RILPL2: variants seen among roughly 807,000 people sequenced by gnomAD.
The protein encoded by RILPL2 is RILP-like protein 2.
A neutral mutation model predicts 22.2 loss-of-function variants in RILPL2; 19 were observed. That is an observed-to-expected ratio of 0.86 (90% CI 0.60 to 1.25). The LOEUF (loss-of-function observed/expected upper bound fraction) is 1.25, where lower values mean the gene tolerates loss of function less well. RILPL2 is among the 50% of genes most tolerant of loss of function. RILPL2 has a pLI of 0.00. For synonymous variants in RILPL2, 123 were observed against 111.6 expected, an observed-to-expected ratio of 1.10 and a Z score of -0.64; for missense variants, 243 against 263.6, an observed-to-expected ratio of 0.92 and a Z score of 0.54.
chr12:123,435,556 G>C (rs1472355829), intron 1 of RILPL2, among the ~76,000 whole-genome samples: 1 of 149,812 alleles, frequency 6.7e-6, no homozygotes, highest in Non-Finnish European at 1.5e-5. Flanking sequence ...CTGGGTAACG[G>C]TGAGACCCCC....
At chr12:123,421,610 C>T (rs990098223) in intron 3 of RILPL2, among the ~76,000 whole-genome samples, 2 of 151,924 alleles carry the variant, frequency 1.3e-5, no homozygotes, top group African/African-American at 4.8e-5. Flanking sequence ...TTGCCCTCTG[C>T]CCCTGCTCCC....
rs1216106797 is a variant in RILPL2 at position 123,434,304 on chromosome 12, G to A, written c.339+1778C>T. Among the ~76,000 whole-genome samples, 35 of 152,032 alleles carry A rather than the reference G, an allele frequency of 2.3e-4. 1 individual carries two copies. Among genetic ancestry groups the A allele is most frequent in the Admixed American group, 2.3e-3 (35 of 15,206 alleles). ...TGGTTGGTGTGTGCCTGTAGTCCTA[G>A]CTACTGGAGAGGCTGAAGTGGGAGG... On this transcript the variant is annotated intron_variant, in intron 1 of 3. Coordinates refer to ENST00000280571, the MANE Select transcript of RILPL2 (RefSeq NM_145058.3).
At chr12:123,423,217 T>C in intron 2 of RILPL2, 60 bp from the exon 3 acceptor site, 1 of 1,216,338 alleles carries the variant, frequency 8.2e-7, no homozygotes. Context: ...TTTTTTTTTT[T>C]TTGAGTTGGA....
intron 3 of RILPL2, among the ~76,000 whole-genome samples, chr12:123,421,367 T>C (rs1002591383): frequency 6.6e-6 from 1 of 152,056 alleles, no homozygotes; most frequent in Non-Finnish European, 1.5e-5. Context: ...GTATGGGGAA[T>C]TATCTTTCCC....
intron 2 of RILPL2, among the ~76,000 whole-genome samples, chr12:123,428,175 C>T (rs897009318): frequency 2.1e-4 from 32 of 152,242 alleles, no homozygotes; most frequent in African/African-American, 7.0e-4. Flanking sequence ...CTCGCTCTTC[C>T]GCCCAGGCTG....
Position 123,415,573 on chromosome 12 carries a change from G to A in RILPL2, c.*318C>T. On this transcript the variant is annotated 3_prime_UTR_variant, in exon 4 of 4. Transcript: ENST00000280571. ...GGTCATCCGTGGGAGCAGATGAGTA[G>A]GACACGCGTCTGCACGCTGGAGGCC... is the stretch of plus-strand genomic sequence containing the variant. The A allele has an allele frequency of 2.4e-6, 1 of 421,130 alleles. No individual in the cohort carries two copies. The highest frequency in any genetic ancestry group is 4.3e-6 in the Non-Finnish European group (1 of 230,702). The allele number at this position is 421,130 out of a possible 1,614,324, so 26.1% of individuals were successfully genotyped here.
At chr12:123,428,183 C>CT (rs1403376670) in intron 2 of RILPL2, among the ~76,000 whole-genome samples, 3 of 152,182 alleles carry the variant, frequency 2.0e-5, no homozygotes, top group Non-Finnish European at 4.4e-5. Context: ...TCCGCCCAGG[C>CT]TGGAGTGCAG....
At chr12:123,418,552 C>T (rs1879181840) in intron 3 of RILPL2, among the ~76,000 whole-genome samples, 1 of 152,128 alleles carries the variant, frequency 6.6e-6, no homozygotes, top group African/African-American at 2.4e-5. Context: ...GTATCTTCAG[C>T]ACCTACAACA....
chr12:123,416,055 A>C, intron 3 of RILPL2, 134 bp from the exon 4 acceptor site: 1 of 883,272 alleles, frequency 1.1e-6, no homozygotes, highest in Non-Finnish European at 1.9e-6. Flanking sequence ...ATTGTGGCTC[A>C]CGCCTGTAAT....
intron 1 of RILPL2, among the ~76,000 whole-genome samples, chr12:123,432,512 T>C (rs967478185): frequency 1.3e-5 from 2 of 151,996 alleles, no homozygotes; most frequent in African/African-American, 4.8e-5. Context: ...TCTCAAAACA[T>C]ACAAAGAAAA....
chr12:123,419,694 C>G (rs1879221214), intron 3 of RILPL2, among the ~76,000 whole-genome samples: 2 of 151,248 alleles, frequency 1.3e-5, no homozygotes, highest in African/African-American at 4.9e-5. Flanking sequence ...CAATATCCTC[C>G]TCCCAGGTTC....
chr12:123,432,859 A>G (rs865991006), intron 1 of RILPL2, among the ~76,000 whole-genome samples: 1 of 152,196 alleles, frequency 6.6e-6, no homozygotes, highest in South Asian at 2.1e-4. Context: ...ATCACACTTA[A>G]CCATGTCACT....
chr12:123,423,832 T>TCACTG (rs1879360050), intron 2 of RILPL2, among the ~76,000 whole-genome samples: 1 of 151,876 alleles, frequency 6.6e-6, no homozygotes, highest in Admixed American at 6.6e-5. Flanking sequence ...TTTTTGTATT[T>TCACTG]TTAGTAGAGA....
chr12:123,412,714 G>T (rs908970583), downstream of RILPL2: 11 of 152,212 alleles, frequency 7.2e-5, no homozygotes, highest in African/African-American at 2.4e-4. Flanking sequence ...AAAAGTATGT[G>T]AGACAGCATC....
intron 3 of RILPL2, among the ~76,000 whole-genome samples, chr12:123,422,424 G>C (rs1879312306): frequency 6.6e-6 from 1 of 152,174 alleles, no homozygotes; most frequent in Non-Finnish European, 1.5e-5. Context: ...GCTGAGGCAG[G>C]AGAACTGCTT....
intron 2 of RILPL2, among the ~76,000 whole-genome samples, chr12:123,425,182 T>C (rs1879408404): frequency 6.6e-6 from 1 of 151,914 alleles, no homozygotes; most frequent in South Asian, 2.1e-4. Flanking sequence ...GCCTTATTAT[T>C]ATTTTTTTTT....
At chr12:123,424,990 C>T (rs528938953) in intron 2 of RILPL2, among the ~76,000 whole-genome samples, 35 of 152,098 alleles carry the variant, frequency 2.3e-4, no homozygotes, top group African/African-American at 8.2e-4. Context: ...CGCCATTCTC[C>T]TGCCTCAGCC....
At chr12:123,435,116 G>T (rs963588072) in intron 1 of RILPL2, among the ~76,000 whole-genome samples, 3 of 151,838 alleles carry the variant, frequency 2.0e-5, no homozygotes, top group African/African-American at 7.3e-5. Flanking sequence ...GGAGGTGGAG[G>T]TTGCAGTGAG....
rs757652253 is a variant in RILPL2 at position 123,436,322 on chromosome 12, G to C, written c.99C>G (p.Pro33=). 1.3e-6 allele frequency: 2 copies of C among 1,579,924 alleles called. No homozygotes were observed. The highest frequency in any genetic ancestry group is 1.7e-6 in the Non-Finnish European group (2 of 1,163,324). The change falls in exon 1 of 4, where the codon CCC becomes CCG. Residue 33 remains proline (P), a synonymous_variant. Transcript: ENST00000280571. The surrounding 1 kb of genome is among the most constrained non-coding windows in gnomAD (Gnocchi z 6.7). ...ACACGTCCTCGGCGGTCAGCTGGAA[G>C]GGGCTCTTGCCCAGCGCCCCCTCGG... is the stretch of plus-strand genomic sequence containing the variant. ...VGPEGALGKS[P]FQLTAEDVYD...
Sources: allele counts gnomAD v4.1 joint callset (sites outside exome capture counted in the v4.1 genomes callset), GRCh38; gene constraint gnomAD v4.1.1; non-coding constraint Gnocchi (gnomAD v3.1); transcripts MANE v1.5; gene names NCBI Gene and HGNC (gene_info 2026-07-23, HGNC 2026-07-21).